DENND2B: variants seen among roughly 807,000 people sequenced by gnomAD.
DENND2B encodes DENN domain containing 2B.
DENND2B carries 32 observed loss-of-function variants against 116.0 expected under a neutral mutation model. The ratio of observed to expected loss-of-function variants is 0.28; its 90% confidence interval spans 0.21 to 0.37. The LOEUF (loss-of-function observed/expected upper bound fraction) is 0.37. Among genes scored for constraint, DENND2B ranks in the 10% least tolerant of loss-of-function variants. The pLI, the probability that DENND2B is intolerant of heterozygous loss-of-function variation, is 1.00. For missense variants in DENND2B, 1,276 were observed against 1,477.7 expected (o/e 0.86, Z 2.24); for synonymous variants, 588 against 583.9 (o/e 1.01, Z -0.10).
intron 3 of DENND2B, among the ~76,000 whole-genome samples, chr11:8,843,118 G>A (rs2062682925): frequency 6.6e-6 from 1 of 152,084 alleles, no homozygotes; most frequent in Non-Finnish European, 1.5e-5. Flanking sequence ...CCGGGTTCAA[G>A]CAATTCTCCT....
At chr11:8,802,295 T>C (rs573183297) in intron 1 of DENND2B, among the ~76,000 whole-genome samples, 1 of 102,810 alleles carries the variant, frequency 9.7e-6, no homozygotes, top group South Asian at 4.0e-4. Flanking sequence ...TGAGACTCTG[T>C]CTGGAAAAAA....
Position 8,707,692 on chromosome 11 carries a change from G to T in DENND2B, c.2430+85C>A. ...TCCCGCTCGCTCACAGTCACAGGTG[G>T]TTTTCTCATCTAAGCTGGCTGCAGA... On this transcript the variant is annotated intron_variant, in intron 12 of 19. Transcript: ENST00000313726. This position sits in a 1 kb window ranked among gnomAD's most constrained non-coding sequence, Gnocchi z 4.8. 2 of 1,363,938 alleles carry T rather than the reference G, an allele frequency of 1.5e-6. No individual in the cohort carries two copies. Among genetic ancestry groups the T allele is most frequent in the South Asian group, 1.3e-5 (1 of 76,440 alleles). 84.5% of individuals were successfully genotyped at this position (1,363,938 alleles called of 1,614,324 possible).
chr11:8,779,330 A>C (rs1371666528), intron 1 of DENND2B, among the ~76,000 whole-genome samples: 1 of 152,226 alleles, frequency 6.6e-6, no homozygotes, highest in Non-Finnish European at 1.5e-5. Context: ...TCACACCCAT[A>C]GCGTTTTTCT....
upstream of DENND2B, chr11:8,810,738 C>G (rs1196442718): frequency 1.3e-5 from 2 of 152,308 alleles, no homozygotes; most frequent in African/African-American, 2.4e-5. Flanking sequence ...TAGGCGGGCG[C>G]GCGCACAGCG....
intron 1 of DENND2B, among the ~76,000 whole-genome samples, chr11:8,778,867 TCCTC>T (rs2058040092): frequency 6.6e-6 from 1 of 152,222 alleles, no homozygotes; most frequent in African/African-American, 2.4e-5. Context: ...AAAGGGCAGT[TCCTC>T]CCCAGACTCA....
At chr11:8,858,239 C>T (rs1594266137) in intron 2 of DENND2B, among the ~76,000 whole-genome samples, 1 of 152,250 alleles carries the variant, frequency 6.6e-6, no homozygotes, top group Non-Finnish European at 1.5e-5. Flanking sequence ...TAAAGAAAAC[C>T]TTCCATGTCC....
intron 2 of DENND2B, among the ~76,000 whole-genome samples, chr11:8,746,956 G>T (rs1235454031): frequency 2.0e-5 from 3 of 152,080 alleles, no homozygotes; most frequent in African/African-American, 7.2e-5. Context: ...AATCAAATGG[G>T]TTGGACTGAA....
At chr11:8,761,430 G>A (rs756660620) in intron 1 of DENND2B, among the ~76,000 whole-genome samples, 11 of 152,142 alleles carry the variant, frequency 7.2e-5, no homozygotes, top group Non-Finnish European at 1.3e-4. Flanking sequence ...CTCTGGCAAG[G>A]AGAACATGGT....
At chr11:8,750,764 G>A (rs2052250979) in intron 1 of DENND2B, 39 bp from the exon 2 acceptor site, 4 of 1,598,660 alleles carry the variant, frequency 2.5e-6, no homozygotes, top group Non-Finnish European at 3.4e-6. Flanking sequence ...AGTTTCTATA[G>A]GCAGCCAAAA....
chr11:8,759,680 C>T (rs1035604766), intron 1 of DENND2B, among the ~76,000 whole-genome samples: 10 of 152,156 alleles, frequency 6.6e-5, no homozygotes, highest in African/African-American at 2.4e-4. Flanking sequence ...GTATAGTGAC[C>T]CAACAGTGTG....
intron 4 of DENND2B, among the ~76,000 whole-genome samples, chr11:8,820,182 A>G (rs1594099106): frequency 6.6e-6 from 1 of 152,218 alleles, no homozygotes; most frequent in East Asian, 1.9e-4. Flanking sequence ...AAATAGGGAA[A>G]TGTTCACTTT....
intron 1 of DENND2B, among the ~76,000 whole-genome samples, chr11:8,754,290 A>G (rs2053216003): frequency 6.6e-6 from 1 of 152,248 alleles, no homozygotes; most frequent in Non-Finnish European, 1.5e-5. Context: ...CTCCAAAGGT[A>G]TAAACTTGGC....
chr11:8,731,326 AAAG>A, intron 2 of DENND2B, 117 bp from the exon 3 acceptor site: 1 of 1,006,690 alleles, frequency 9.9e-7, no homozygotes, highest in Non-Finnish European at 1.4e-6. Context: ...GAGGACTCTC[AAAG>A]AGTATTCTAT....
chr11:8,749,812 A>G (rs1234696556), intron 2 of DENND2B, among the ~76,000 whole-genome samples: 1 of 152,220 alleles, frequency 6.6e-6, no homozygotes, highest in African/African-American at 2.4e-5. Context: ...AGAAAGGGCT[A>G]TGAGAGGTAC....
intron 1 of DENND2B, among the ~76,000 whole-genome samples, chr11:8,804,397 C>G (rs1355571611): frequency 6.6e-6 from 1 of 152,110 alleles, no homozygotes; most frequent in Non-Finnish European, 1.5e-5. Flanking sequence ...GTGGCAGGAA[C>G]TGAACACAAG....
chr11:8,855,269 C>T (rs1378974860), intron 3 of DENND2B, among the ~76,000 whole-genome samples: 1 of 151,758 alleles, frequency 6.6e-6, no homozygotes, highest in Non-Finnish European at 1.5e-5. Context: ...TACAAGCTGG[C>T]TCCAGATGCC....
upstream of DENND2B, among the ~76,000 whole-genome samples, chr11:8,872,748 G>A (rs1319922499): frequency 6.6e-6 from 1 of 152,162 alleles, no homozygotes; most frequent in East Asian, 1.9e-4. Context: ...TCCTCGTTGA[G>A]TTGCTTCTAC....
chr11:8,722,178 C>G (rs565176086), intron 4 of DENND2B, among the ~76,000 whole-genome samples: 1 of 152,340 alleles, frequency 6.6e-6, no homozygotes, highest in African/African-American at 2.4e-5. Context: ...GGGAGTACCC[C>G]ACCCCAGCTC....
chr11:8,786,109 G>A lies in DENND2B; in HGVS notation c.-26+24408C>T, dbSNP rs548515654. Among the ~76,000 whole-genome samples, 5 of 152,272 alleles carry A rather than the reference G, an allele frequency of 3.3e-5. No individual in the cohort carries two copies. The East Asian group carries it at 9.7e-4, about 29-fold the overall frequency. On this transcript the variant is annotated intron_variant, in intron 1 of 19. Transcript: ENST00000313726. ...GGGTATGATATAAATCCATGCCCCT[G>A]CATATTTTAGGCTCCATTTTCTAGC...
Sources: gnomAD v4.1 joint callset for allele counts (sites outside exome capture counted in the v4.1 genomes callset) on GRCh38, gnomAD v4.1.1 for gene constraint, Gnocchi (gnomAD v3.1) non-coding constraint, MANE v1.5 for transcripts, NCBI Gene and HGNC (gene_info 2026-07-23, HGNC 2026-07-21) for gene names.